The following TRAP1 variants were observed in gnomAD, a reference collection of about 807,000 sequenced individuals.
The protein encoded by TRAP1 is TNF receptor associated protein 1.
In TRAP1, 102 loss-of-function variants were observed where a neutral mutation model predicts 89.1. The ratio of observed to expected loss-of-function variants is 1.15; its 90% CI spans 0.98 to 1.35. TRAP1 has a LOEUF of 1.35. TRAP1 is among the 40% of genes most tolerant of loss of function. TRAP1 has a pLI of 0.00. For synonymous variants in TRAP1, 508 were observed against 388.0 expected, an observed-to-expected ratio of 1.31 and a Z score of -3.64; for missense variants, 1,256 against 945.3, an observed-to-expected ratio of 1.33 and a Z score of -4.31.
intron 9 of TRAP1, 132 bp from the exon 10 acceptor site, chr16:3,672,952 T>C: frequency 7.4e-7 from 1 of 1,355,556 alleles, no homozygotes; most frequent in South Asian, 1.5e-5. Flanking sequence ...CTGCTCTGAG[T>C]TGAAGCCCAG....
At chr16:3,693,432 G>A (rs2051243784) in intron 1 of TRAP1, among the ~76,000 whole-genome samples, 1 of 151,730 alleles carries the variant, frequency 6.6e-6, no homozygotes, top group African/African-American at 2.4e-5. Context: ...GGAATTAAAT[G>A]GTATTTGGCA....
chr16:3,667,201 G>C (rs75377947), intron 11 of TRAP1, among the ~76,000 whole-genome samples: 2 of 152,178 alleles, frequency 1.3e-5, no homozygotes, highest in Non-Finnish European at 2.9e-5. Flanking sequence ...AGGGTGTCCA[G>C]GCTGGGGGCG....
chr16:3,658,422 T>C, intron 17 of TRAP1, 192 bp from the exon 18 acceptor site: 2 of 604,902 alleles, frequency 3.3e-6, no homozygotes, highest in Non-Finnish European at 5.8e-6. Flanking sequence ...GCCTGGCCAT[T>C]TTTCCGTTTT....
Position 3,717,524 on chromosome 16 carries a change from C to T in TRAP1, c.-16G>A. 2 of 1,354,486 alleles carry T rather than the reference C, an allele frequency of 1.5e-6. No homozygotes were observed. Among genetic ancestry groups the T allele is most frequent in the Non-Finnish European group, 1.9e-6 (2 of 1,054,416 alleles). The allele number at this position is 1,354,486 out of a possible 1,614,324, so 83.9% of individuals were successfully genotyped here. On this transcript the variant is annotated 5_prime_UTR_variant, in exon 1 of 18. Transcript: ENST00000246957. Reference sequence around the variant, plus strand: ...CGCGCGCCATGTCGTACTCCCAGAGCGCCGCGCGCAGCCACGCGGGACCGT... The same window carrying T: ...CGCGCGCCATGTCGTACTCCCAGAGTGCCGCGCGCAGCCACGCGGGACCGT...
intron 1 of TRAP1, among the ~76,000 whole-genome samples, chr16:3,698,843 G>C (rs2051326514): frequency 6.6e-6 from 1 of 151,740 alleles, no homozygotes; most frequent in South Asian, 2.1e-4. Context: ...CCAAGATCAC[G>C]CCACTGCATT....
At chr16:3,671,494 G>T (rs1287722294) in intron 11 of TRAP1, among the ~76,000 whole-genome samples, 1 of 151,608 alleles carries the variant, frequency 6.6e-6, no homozygotes, top group East Asian at 1.9e-4. Flanking sequence ...CCCCTATCCA[G>T]ACTCCAGCCT....
Position 3,674,332 on chromosome 16 carries a change from G to A in TRAP1, c.1044+7C>T. On this transcript the variant is annotated splice_region_variant and intron_variant, in intron 9 of 17. Coordinates refer to ENST00000246957, the MANE Select transcript of TRAP1 (RefSeq NM_016292.3). ...CTGAGGGCCGTGGGACTGCCACAGT[G>A]CCTCACCATGTCGGGCACGTAGAAG... The A allele has an allele frequency of 1.2e-6, 2 of 1,613,660 alleles. No homozygotes were observed. Among genetic ancestry groups the A allele is most frequent in the East Asian group, 2.2e-5 (1 of 44,888 alleles).
chr16:3,667,360 C>T (rs1164241482), intron 11 of TRAP1, among the ~76,000 whole-genome samples: 2 of 151,998 alleles, frequency 1.3e-5, no homozygotes, highest in Non-Finnish European at 2.9e-5. Flanking sequence ...ATGGTGGCTC[C>T]TGCCTGTAAT....
intron 8 of TRAP1, among the ~76,000 whole-genome samples, 189 bp downstream of exon 8, chr16:3,675,135 G>C (rs556388569): frequency 2.6e-5 from 4 of 152,040 alleles, no homozygotes; most frequent in Non-Finnish European, 4.4e-5. Context: ...CCGGCTGCCC[G>C]GTGCACAGGG....
At chr16:3,701,383 A>C (rs2051362435) in intron 1 of TRAP1, among the ~76,000 whole-genome samples, 1 of 152,088 alleles carries the variant, frequency 6.6e-6, no homozygotes, top group African/African-American at 2.4e-5. Context: ...AACTGACAGA[A>C]TCAAACCAAA....
At chr16:3,689,831 CCT>C (rs1160436977) in intron 2 of TRAP1, 1 of 152,282 alleles carries the variant, frequency 6.6e-6, no homozygotes, top group Admixed American at 6.6e-5. Flanking sequence ...AGAGAAAGAC[CCT>C]GTCTCAAAAC....
intron 4 of TRAP1, among the ~76,000 whole-genome samples, chr16:3,685,272 G>T (rs1013393428): frequency 1.3e-5 from 2 of 152,174 alleles, no homozygotes; most frequent in African/African-American, 4.8e-5. Context: ...GCTCAGTCTG[G>T]ATTCTCTAAA....
chr16:3,704,384 T>C (rs1435691516), intron 1 of TRAP1: 2 of 152,176 alleles, frequency 1.3e-5, no homozygotes, highest in Non-Finnish European at 2.9e-5. Context: ...CTTAAAAACT[T>C]ACGAGAAACA....
rs774039367 is a variant in TRAP1 at position 3,675,999 on chromosome 16, G to T, written c.814+37C>A. 3.2e-6 allele frequency: 5 copies of T among 1,573,506 alleles called. No homozygotes were observed. The South Asian group carries it at 5.7e-5, about 18-fold the overall frequency. On this transcript the variant is annotated intron_variant, in intron 7 of 17. Coordinates refer to ENST00000246957, the MANE Select transcript of TRAP1 (RefSeq NM_016292.3). ...CCTGGTGGCCTCCAGGCCACACATGGATCCCAGAGTGAGCCTGGGCCCGGG... is the reference window on the plus strand; with the variant it reads ...CCTGGTGGCCTCCAGGCCACACATGTATCCCAGAGTGAGCCTGGGCCCGGG...
chr16:3,662,730 C>T (rs772224171), intron 15 of TRAP1, 152 bp downstream of exon 15: 1 of 742,492 alleles, frequency 1.3e-6, no homozygotes, highest in Non-Finnish European at 2.4e-6. Flanking sequence ...CAACACGTGC[C>T]GAGCAGGGAC....
At chr16:3,694,343 T>C (rs1020521726) in intron 1 of TRAP1, among the ~76,000 whole-genome samples, 1 of 143,824 alleles carries the variant, frequency 7.0e-6, no homozygotes, top group African/African-American at 2.5e-5. Context: ...CGCGAACGTA[T>C]CTTTCTCTTT....
intron 1 of TRAP1, among the ~76,000 whole-genome samples, chr16:3,714,149 T>C (rs939629874): frequency 2.0e-5 from 3 of 152,150 alleles, no homozygotes; most frequent in African/African-American, 7.2e-5. Flanking sequence ...AAACTTACCC[T>C]GGGGCAAGCA....
chr16:3,667,355 G>A (rs529752059), intron 11 of TRAP1, among the ~76,000 whole-genome samples: 74 of 152,248 alleles, frequency 4.9e-4, no homozygotes, highest in African/African-American at 1.8e-3. Context: ...GGGGCATGGT[G>A]GCTCCTGCCT....
chr16:3,675,387 C>T lies in TRAP1; in HGVS notation c.825G>A (p.Thr275=), dbSNP rs138639006. Residue 275 remains threonine, a synonymous_variant, in exon 8 of 18, where the codon ACG becomes ACA. Coordinates refer to ENST00000246957, the MANE Select transcript of TRAP1 (RefSeq NM_016292.3). Reference sequence around the variant, plus strand: ...GGAAGCTGACGAAGTTGCTGTACTTCGTTACCACATCTGGAAGGGACAAAA... The same window carrying T: ...GGAAGCTGACGAAGTTGCTGTACTTTGTTACCACATCTGGAAGGGACAAAA... ...SSEARVRDVV[T]KYSNFVSFPL... is the part of the protein sequence containing the mutation. 724 of 1,614,042 alleles carry T rather than the reference C, an allele frequency of 4.5e-4. 14 individuals carry two copies. The South Asian group carries it at 6.3e-3, about 14-fold the overall frequency.
Sources: gnomAD v4.1 joint callset for allele counts (sites outside exome capture counted in the v4.1 genomes callset) on GRCh38, gnomAD v4.1.1 for gene constraint, MANE v1.5 for transcripts, NCBI Gene and HGNC (gene_info 2026-07-23, HGNC 2026-07-21) for gene names.